The following DGKH variants were observed in gnomAD, a reference collection of about 807,000 sequenced individuals.
DGKH encodes the protein DAG kinase eta.
DGKH carries 90 observed loss-of-function variants against 159.3 expected under a neutral mutation model. That is an observed-to-expected ratio of 0.57 (90% CI 0.48 to 0.67). The LOEUF is 0.67. Among genes scored for constraint, DGKH ranks in the 30% least tolerant of loss-of-function variants. The pLI, the probability that DGKH is intolerant of heterozygous loss-of-function variation, is 0.00. For missense variants in DGKH, 1,181 were observed against 1,506.1 expected (o/e 0.78, Z 3.57); for synonymous variants, 536 against 553.8 (o/e 0.97, Z 0.45).
rs377188115 is a variant in DGKH, at chr13:42,236,703, A to G, written c.*7515A>G. The G allele has an allele frequency of 6.6e-6, 1 of 152,236 alleles. No individual in the cohort carries two copies. The highest frequency in any genetic ancestry group is 1.5e-5 in the Non-Finnish European group (1 of 68,078). The allele number at this position is 152,236 out of a possible 1,614,324, so 9.4% of individuals were successfully genotyped here. A position where few individuals can be genotyped will look rare whatever the true frequency, so the allele number is the denominator to read the frequency against. On this transcript the variant is annotated 3_prime_UTR_variant, in exon 30 of 30. Coordinates refer to ENST00000337343, the MANE Select transcript of DGKH (RefSeq NM_178009.5). The stretch of plus-strand genomic sequence containing the variant: ...CACTTTGGAAAGCCGAGGGAGGTAG[A>G]TCACCTGAGGTCAGGAGTTTGAGAC...
At chr13:42,171,145 A>G (rs2138028775) in intron 11 of DGKH, among the ~76,000 whole-genome samples, 1 of 152,304 alleles carries the variant, frequency 6.6e-6, no homozygotes, top group Non-Finnish European at 1.5e-5. Flanking sequence ...AGCACTTTCT[A>G]GTTGCTTTAC....
In DGKH at chr13:42,229,458, C is replaced by A. The variant is rs1594250184; in HGVS notation, c.*270C>A. The A allele has an allele frequency of 2.9e-6, 1 of 342,396 alleles. No homozygotes were observed. The highest frequency in any genetic ancestry group is 7.6e-5 in the East Asian group (1 of 13,222). 21.2% of individuals were successfully genotyped at this position (342,396 alleles called of 1,614,324 possible). A position where few individuals can be genotyped will look rare whatever the true frequency, so the allele number is the denominator to read the frequency against. Reference sequence around the variant, plus strand: ...ACAATGGTAATAAGGTAGGAGGAATCTGAGACGATTGCATTGTCTAAACAG... The same window carrying A: ...ACAATGGTAATAAGGTAGGAGGAATATGAGACGATTGCATTGTCTAAACAG... On this transcript the variant is annotated 3_prime_UTR_variant, in exon 30 of 30. Transcript: ENST00000337343.
intron 1 of DGKH, among the ~76,000 whole-genome samples, chr13:42,078,951 T>C (rs1954149297): frequency 7.0e-6 from 1 of 143,102 alleles, no homozygotes; most frequent in African/African-American, 2.7e-5. Flanking sequence ...AGTCTGTCTC[T>C]GTTGCCCAGA....
chr13:42,164,023 T>G (rs1215116549), intron 7 of DGKH, among the ~76,000 whole-genome samples: 1 of 152,210 alleles, frequency 6.6e-6, no homozygotes, highest in Non-Finnish European at 1.5e-5. Context: ...TTAATCCATC[T>G]TGAATTGATT....
chr13:42,214,433 C>T (rs1302227064), intron 24 of DGKH, 74 bp from the exon 25 acceptor site: 1 of 1,424,000 alleles, frequency 7.0e-7, no homozygotes, highest in Non-Finnish European at 9.7e-7. Context: ...TTTATCCTAA[C>T]ATTTCTATAC....
Position 42,238,112 on chromosome 13 carries a change from A to G in DGKH, c.*8924A>G, listed in dbSNP as rs1958453658. ...TGTCCCCAGTTAGAAATGGCACACA[A>G]TATTATCAGTTGTTAGTACTTGGTA... On this transcript the variant is annotated 3_prime_UTR_variant, in exon 30 of 30. Coordinates refer to ENST00000337343, the MANE Select transcript of DGKH (RefSeq NM_178009.5). 1 of 152,190 alleles carries G rather than the reference A, an allele frequency of 6.6e-6. No homozygotes were observed. Among genetic ancestry groups the G allele is most frequent in the South Asian group, 2.1e-4 (1 of 4,826 alleles). 9.4% of individuals were successfully genotyped at this position (152,190 alleles called of 1,614,324 possible). A position where few individuals can be genotyped will look rare whatever the true frequency, so the allele number is the denominator to read the frequency against.
rs567163560 is a variant in DGKH, at chr13:42,251,097, A to G, written n.4055-1312A>G. On this transcript the variant is annotated intron_variant and non_coding_transcript_variant, in intron 29 of 30. Coordinates refer to the DGKH transcript ENST00000498255. Reference sequence around the variant, plus strand: ...TGAACTTTAATATATTGAAAGAATAAAATGGGTAAAAATAGGCACAAATAA... The same window carrying G: ...TGAACTTTAATATATTGAAAGAATAGAATGGGTAAAAATAGGCACAAATAA... Among the ~76,000 whole-genome samples, 25 of 152,350 alleles carry G rather than the reference A, an allele frequency of 1.6e-4. No homozygotes were observed. In the Middle Eastern group the frequency reaches 0.01, roughly 62 times the overall value.
intron 15 of DGKH, among the ~76,000 whole-genome samples, chr13:42,190,169 C>G (rs969967414): frequency 2.6e-5 from 4 of 152,070 alleles, no homozygotes; most frequent in Non-Finnish European, 5.9e-5. Context: ...ATTTCATTCT[C>G]TAAAATTCTT....
At chr13:42,049,446 G>A (rs952250748) in intron 1 of DGKH, among the ~76,000 whole-genome samples, 1 of 152,258 alleles carries the variant, frequency 6.6e-6, no homozygotes, top group Non-Finnish European at 1.5e-5. Context: ...CAACCAGCCT[G>A]CGCTGCAGTG....
At chr13:42,135,782 G>A (rs1261214504) in intron 3 of DGKH, among the ~76,000 whole-genome samples, 1 of 152,224 alleles carries the variant, frequency 6.6e-6, no homozygotes, top group Admixed American at 6.5e-5. Context: ...CTGGGAAAGG[G>A]CTCCCAGACC....
intron 3 of DGKH, among the ~76,000 whole-genome samples, chr13:42,144,606 G>T (rs918105815): frequency 2.0e-5 from 3 of 151,752 alleles, no homozygotes; most frequent in African/African-American, 7.3e-5. Flanking sequence ...AGAATTGCTT[G>T]AACCCTGGAG....
intron 1 of DGKH, among the ~76,000 whole-genome samples, chr13:42,111,112 TA>T (rs1402233216): frequency 1.3e-5 from 2 of 151,822 alleles, no homozygotes; most frequent in Admixed American, 1.3e-4. Flanking sequence ...AAGGTACATA[TA>T]AAAAAAGGAG....
intron 11 of DGKH, among the ~76,000 whole-genome samples, chr13:42,172,155 T>A (rs1350310498): frequency 6.6e-6 from 1 of 150,692 alleles, no homozygotes; most frequent in Non-Finnish European, 1.5e-5. Flanking sequence ...AGTTTCGCTC[T>A]GTCACCAGGC....
intron 1 of DGKH, among the ~76,000 whole-genome samples, chr13:42,040,973 C>G (rs992402073): frequency 4.6e-5 from 7 of 151,308 alleles, no homozygotes; most frequent in Admixed American, 2.6e-4. Flanking sequence ...CACCCCCTCC[C>G]GCTTCTCCTT....
At position 42,229,863 on chromosome 13, in the gene DGKH, A is replaced by C. The variant is rs1234317008; in HGVS notation, c.*675A>C. The stretch of plus-strand genomic sequence containing the variant: ...TGTTAATGGGATTTAATTTATTACT[A>C]AAGTACATTTTTGTTGGTTAAGGGC... On this transcript the variant is annotated 3_prime_UTR_variant, in exon 30 of 30. Transcript: ENST00000337343. 6.6e-6 allele frequency: 1 copy of C among 152,352 alleles called. No individual in the cohort carries two copies. The highest frequency in any genetic ancestry group is 2.4e-5 in the African/African-American group (1 of 41,458). The allele number at this position is 152,352 out of a possible 1,614,324, so 9.4% of individuals were successfully genotyped here.
chr13:42,127,619 G>T, intron 2 of DGKH, 46 bp downstream of exon 2: 1 of 1,554,162 alleles, frequency 6.4e-7, no homozygotes, highest in Non-Finnish European at 8.8e-7. Flanking sequence ...GCTATGGATG[G>T]ATGTAAAATT....
intron 1 of DGKH, among the ~76,000 whole-genome samples, chr13:42,082,141 C>T (rs1954212621): frequency 6.6e-6 from 1 of 151,728 alleles, no homozygotes; most frequent in African/African-American, 2.4e-5. Flanking sequence ...CACACGTATC[C>T]TTCTTGCTCT....
At chr13:42,053,514 A>G (rs570328136) in intron 1 of DGKH, among the ~76,000 whole-genome samples, 2 of 146,460 alleles carry the variant, frequency 1.4e-5, no homozygotes, top group South Asian at 4.2e-4. Context: ...GTAACTATAC[A>G]TAACTATATA....
At position 42,234,491 on chromosome 13, in the gene DGKH, T is replaced by C. The variant is rs1958375279; in HGVS notation, c.*5303T>C. On this transcript the variant is annotated 3_prime_UTR_variant, in exon 30 of 30. Transcript: ENST00000337343. Reference sequence around the variant, plus strand: ...GCCCTTAATTAAGCTGTAAAAACAATGCATCTCTCAACCTTGACATTTAGG... The same window carrying C: ...GCCCTTAATTAAGCTGTAAAAACAACGCATCTCTCAACCTTGACATTTAGG... 6.6e-6 allele frequency: 1 copy of C among 152,202 alleles called. No homozygotes were observed. Among genetic ancestry groups the C allele is most frequent in the Non-Finnish European group, 1.5e-5 (1 of 68,064 alleles). 9.4% of individuals were successfully genotyped at this position (152,202 alleles called of 1,614,324 possible). A position where few individuals can be genotyped will look rare whatever the true frequency, so the allele number is the denominator to read the frequency against.
Sources: gnomAD v4.1 joint callset for allele counts (sites outside exome capture counted in the v4.1 genomes callset) on GRCh38, gnomAD v4.1.1 for gene constraint, MANE v1.5 for transcripts, NCBI Gene and HGNC (gene_info 2026-07-23, HGNC 2026-07-21) for gene names.